Variants in SOHLH2 observed in about 807,000 individuals in gnomAD.
SOHLH2 encodes spermatogenesis- and oogenesis-specific basic helix-loop-helix-containing protein 2.
A neutral mutation model predicts 50.4 loss-of-function variants in SOHLH2; 22 were observed. The ratio of observed to expected loss-of-function variants is 0.44; its 90% CI spans 0.31 to 0.62. The LOEUF is 0.62. Ranked by LOEUF, SOHLH2 falls within the 20% of genes least tolerant of loss-of-function variation. The probability of loss-of-function intolerance (pLI) is 0.08; values close to 1 mark genes in which losing one functional copy is unlikely to be tolerated. For missense variants in SOHLH2, 412 were observed against 504.4 expected, an observed-to-expected ratio of 0.82 and a Z score of 1.76; for synonymous variants, 185 against 187.3, an observed-to-expected ratio of 0.99 and a Z score of 0.10.
chr13:36,182,802 T>A (rs1887294198), intron 6 of SOHLH2: 1 of 152,254 alleles, frequency 6.6e-6, no homozygotes, highest in Non-Finnish European at 1.5e-5. Context: ...TTCAGAGTAA[T>A]CTGTTGTACA....
Position 36,186,036 on chromosome 13 carries a change from A to G in SOHLH2, c.641+3910T>C, listed in dbSNP as rs558326978. 3.9e-5 allele frequency among the ~76,000 whole-genome samples: 6 copies of G among 152,312 alleles called. No individual in the cohort carries two copies. The East Asian group carries it at 5.8e-4, about 15-fold the overall frequency. ...GACATTGTAAGAAAACTGCAAACCAATATCTTTCATAAACACAGATGCAAA... is the reference window on the plus strand; with the variant it reads ...GACATTGTAAGAAAACTGCAAACCAGTATCTTTCATAAACACAGATGCAAA... On this transcript the variant is annotated intron_variant, in intron 6 of 10. Coordinates refer to ENST00000379881, the MANE Select transcript of SOHLH2 (RefSeq NM_017826.3).
chr13:36,210,379 T>C (rs961993227), intron 1 of SOHLH2, among the ~76,000 whole-genome samples: 1 of 152,224 alleles, frequency 6.6e-6, no homozygotes, highest in Non-Finnish European at 1.5e-5. Context: ...GTGGATTTTC[T>C]ACTTTTGTTT....
intron 2 of SOHLH2, among the ~76,000 whole-genome samples, chr13:36,199,619 C>G (rs541485910): frequency 2.5e-4 from 38 of 152,326 alleles, no homozygotes; most frequent in African/African-American, 9.1e-4. Flanking sequence ...TAGCTATACA[C>G]TTGGTACCTT....
intron 6 of SOHLH2, among the ~76,000 whole-genome samples, chr13:36,188,885 G>C (rs1202564536): frequency 2.0e-5 from 3 of 152,118 alleles, no homozygotes; most frequent in Admixed American, 6.5e-5. Flanking sequence ...ATTCCTCTGA[G>C]CCTGTATTTC....
At chr13:36,204,233 G>C (rs1325882706) in intron 1 of SOHLH2, among the ~76,000 whole-genome samples, 2 of 152,050 alleles carry the variant, frequency 1.3e-5, no homozygotes, top group African/African-American at 4.8e-5. Flanking sequence ...TTACGGGTGT[G>C]AGCCACCGTG....
intron 6 of SOHLH2, among the ~76,000 whole-genome samples, chr13:36,175,227 A>G (rs965251582): frequency 6.6e-6 from 1 of 152,084 alleles, no homozygotes; most frequent in African/African-American, 2.4e-5. Context: ...TGTGCAGACC[A>G]CTCTGCCCTC....
intron 9 of SOHLH2, among the ~76,000 whole-genome samples, chr13:36,171,481 C>A (rs540916615): frequency 1.3e-5 from 2 of 152,294 alleles, no homozygotes; most frequent in East Asian, 1.9e-4. Flanking sequence ...CTTCCTGATG[C>A]GGGTAGTGAA....
At chr13:36,199,400 G>A (rs2138313918) in intron 2 of SOHLH2, among the ~76,000 whole-genome samples, 1 of 152,274 alleles carries the variant, frequency 6.6e-6, no homozygotes, top group East Asian at 1.9e-4. Flanking sequence ...GCCTAGGATG[G>A]CGCTTCTCCC....
At chr13:36,203,524 C>T (rs187861273) in intron 1 of SOHLH2, among the ~76,000 whole-genome samples, 1 of 152,212 alleles carries the variant, frequency 6.6e-6, no homozygotes, top group East Asian at 1.9e-4. Context: ...TTTATAAATA[C>T]ATCTGTGTGC....
Position 36,214,521 on chromosome 13 carries a change from A to C in SOHLH2, c.6T>G (p.Ala2=), listed in dbSNP as rs377552022. Residue 2 remains alanine (A), a synonymous_variant, in exon 1 of 11, where the codon GCT becomes GCG. Coordinates refer to ENST00000379881, the MANE Select transcript of SOHLH2 (RefSeq NM_017826.3). ...AGTGCTCCTGGCAGATAATTGAGGA[A>C]GCCATGGCCGCTGCGCACGTGCTGG... M[A]SSIICQEHCQ... The C allele has an allele frequency of 6.2e-7, 1 of 1,612,216 alleles. No individual in the cohort carries two copies. The highest frequency in any genetic ancestry group is 1.3e-5 in the African/African-American group (1 of 74,868).
intron 2 of SOHLH2, among the ~76,000 whole-genome samples, chr13:36,199,325 A>G (rs1887828398): frequency 6.6e-6 from 1 of 151,356 alleles, no homozygotes; most frequent in South Asian, 2.1e-4. Flanking sequence ...ACACACACAC[A>G]CACACATAAC....
At chr13:36,182,215 G>C (rs1452962099) in intron 6 of SOHLH2, 1 of 985,256 alleles carries the variant, frequency 1.0e-6, no homozygotes, top group Non-Finnish European at 1.2e-6. Context: ...TTCATGGGGA[G>C]AGAATTTTTG....
At chr13:36,209,207 T>C (rs867651284) in intron 1 of SOHLH2, among the ~76,000 whole-genome samples, 1 of 152,320 alleles carries the variant, frequency 6.6e-6, no homozygotes, top group African/African-American at 2.4e-5. Context: ...TATTTTTTTA[T>C]ATAATTTCAA....
At chr13:36,197,069 A>G (rs1221815883) in intron 2 of SOHLH2, among the ~76,000 whole-genome samples, 1 of 152,184 alleles carries the variant, frequency 6.6e-6, no homozygotes, top group Non-Finnish European at 1.5e-5. Context: ...ACCAAAATAA[A>G]AATCACTTTT....
At chr13:36,194,293 T>TA (rs11327317) in intron 2 of SOHLH2, among the ~76,000 whole-genome samples, 5 of 151,846 alleles carry the variant, frequency 3.3e-5, no homozygotes, top group Admixed American at 2.0e-4. Flanking sequence ...ACTCACAGTT[T>TA]AAAAAAAATC....
At chr13:36,206,085 G>A (rs1868744919) in intron 1 of SOHLH2, among the ~76,000 whole-genome samples, 1 of 151,662 alleles carries the variant, frequency 6.6e-6, no homozygotes, top group African/African-American at 2.4e-5. Flanking sequence ...ATGCTTTATT[G>A]AGAATATAGA....
chr13:36,207,546 C>G (rs1306969744), intron 1 of SOHLH2, among the ~76,000 whole-genome samples: 2 of 152,082 alleles, frequency 1.3e-5, no homozygotes, highest in East Asian at 3.9e-4. Flanking sequence ...GTATGTTTAT[C>G]AAAACTAAGA....
chr13:36,181,007 C>T (rs916083512), intron 6 of SOHLH2, among the ~76,000 whole-genome samples: 3 of 152,030 alleles, frequency 2.0e-5, no homozygotes, highest in African/African-American at 4.8e-5. Context: ...ATCTATTTGT[C>T]CATTTAATTC....
In SOHLH2 at chr13:36,183,780, A is replaced by G. The variant is rs544962849; in HGVS notation, c.641+6166T>C. Among the ~76,000 whole-genome samples, 13 of 152,326 alleles carry G rather than the reference A, an allele frequency of 8.5e-5. No individual in the cohort carries two copies. The East Asian group carries it at 2.5e-3, about 29-fold the overall frequency. On this transcript the variant is annotated intron_variant, in intron 6 of 10. Transcript: ENST00000379881. ...CACAAGAAAGCTATATTAATATCAA[A>G]GTAGATTTTTTAAGACAGGGAGTAC...
Sources: gnomAD v4.1 joint callset for allele counts (sites outside exome capture counted in the v4.1 genomes callset) on GRCh38, gnomAD v4.1.1 for gene constraint, MANE v1.5 for transcripts, NCBI Gene and HGNC (gene_info 2026-07-23, HGNC 2026-07-21) for gene names.